The following GUCA1C variants were observed in gnomAD, a reference collection of about 807,000 sequenced individuals.
The protein encoded by GUCA1C is guanylyl cyclase-activating protein 3.
In GUCA1C, 15 loss-of-function variants were observed where a neutral mutation model predicts 16.2. The observed-to-expected ratio is 0.93, with a 90% CI of 0.62 to 1.43. GUCA1C has a LOEUF of 1.43. Among genes scored for constraint, GUCA1C ranks in the 40% most tolerant of loss-of-function variants. GUCA1C has a pLI of 0.00. For synonymous variants in GUCA1C, 78 were observed against 85.4 expected (o/e 0.91, Z 0.48); for missense variants, 275 against 244.8 (o/e 1.12, Z -0.82).
At chr3:108,908,446 G>A (rs1335399268) in intron 3 of GUCA1C, among the ~76,000 whole-genome samples, 1 of 151,628 alleles carries the variant, frequency 6.6e-6, no homozygotes, top group African/African-American at 2.4e-5. Context: ...AAAACATCAG[G>A]TAATGCCCCA....
intron 1 of GUCA1C, among the ~76,000 whole-genome samples, chr3:108,937,451 CAATAA>C (rs1946737581): frequency 6.6e-6 from 1 of 152,182 alleles, no homozygotes; most frequent in Middle Eastern, 3.4e-3. Context: ...GGTTTTGTCC[CAATAA>C]TAGAGCTATG....
chr3:108,920,000 C>A (rs1398955514), intron 2 of GUCA1C, among the ~76,000 whole-genome samples: 1 of 152,108 alleles, frequency 6.6e-6, no homozygotes, highest in African/African-American at 2.4e-5. Flanking sequence ...GATCTGAGAT[C>A]CCTGAACCAA....
chr3:108,916,950 A>G (rs1260942830), intron 2 of GUCA1C, among the ~76,000 whole-genome samples: 2 of 152,248 alleles, frequency 1.3e-5, no homozygotes, highest in Admixed American at 1.3e-4. Flanking sequence ...AACTTCTAGC[A>G]ACATATTTCA....
At chr3:108,908,568 A>G (rs572698815) in intron 3 of GUCA1C, among the ~76,000 whole-genome samples, 1 of 152,336 alleles carries the variant, frequency 6.6e-6, no homozygotes. Context: ...GAGATTTTTA[A>G]GATCAAGACA....
At chr3:108,914,435 A>G (rs1434923159) in intron 3 of GUCA1C, among the ~76,000 whole-genome samples, 1 of 152,216 alleles carries the variant, frequency 6.6e-6, no homozygotes. Flanking sequence ...AACTAATAGA[A>G]TCTTAGTGTT....
chr3:108,954,208 C>T (rs115893813), upstream of GUCA1C, among the ~76,000 whole-genome samples: 794 of 152,196 alleles, frequency 5.2e-3, 19 homozygotes, highest in African/African-American at 0.018. Flanking sequence ...CGTGTTTCCT[C>T]ATCTGTAAAA....
At chr3:108,924,966 G>A (rs1486656950) in intron 1 of GUCA1C, among the ~76,000 whole-genome samples, 2 of 151,818 alleles carry the variant, frequency 1.3e-5, no homozygotes, top group Non-Finnish European at 2.9e-5. Flanking sequence ...CTGTGGTATC[G>A]GTTGTAATAT....
At chr3:108,930,571 T>C (rs1442684473) in intron 1 of GUCA1C, among the ~76,000 whole-genome samples, 1 of 152,286 alleles carries the variant, frequency 6.6e-6, no homozygotes, top group Non-Finnish European at 1.5e-5. Context: ...GTTTTACTTT[T>C]ACAGTCAGAA....
intron 1 of GUCA1C, among the ~76,000 whole-genome samples, chr3:108,935,795 A>G (rs1370149373): frequency 1.3e-5 from 2 of 152,200 alleles, no homozygotes; most frequent in Non-Finnish European, 2.9e-5. Flanking sequence ...ATGAAACTTT[A>G]GAAGTCGAAA....
At chr3:108,921,161 T>C (rs1421409109) in intron 1 of GUCA1C, among the ~76,000 whole-genome samples, 1 of 152,132 alleles carries the variant, frequency 6.6e-6, no homozygotes, top group African/African-American at 2.4e-5. Context: ...TTCTAGAAAG[T>C]CATATGGTTA....
chr3:108,944,494 G>A (rs902954811), intron 1 of GUCA1C, among the ~76,000 whole-genome samples: 4 of 152,128 alleles, frequency 2.6e-5, no homozygotes, highest in Admixed American at 1.3e-4. Flanking sequence ...GTAAGGGGAG[G>A]GTCTTAACTG....
chr3:108,948,276 A>T (rs1946862746), intron 1 of GUCA1C, among the ~76,000 whole-genome samples: 1 of 152,158 alleles, frequency 6.6e-6, no homozygotes, highest in African/African-American at 2.4e-5. Flanking sequence ...AGTTCTCACG[A>T]GATCTGGTTG....
intron 1 of GUCA1C, among the ~76,000 whole-genome samples, chr3:108,931,861 CCTT>C (rs1198959385): frequency 4.6e-4 from 27 of 58,088 alleles, no homozygotes; most frequent in South Asian, 2.9e-3. Context: ...TTTTTTTCTT[CCTT>C]CTTTTTTTTT....
chr3:108,915,665 T>C (rs1294810020), intron 3 of GUCA1C, among the ~76,000 whole-genome samples: 2 of 152,058 alleles, frequency 1.3e-5, no homozygotes, highest in African/African-American at 4.8e-5. Flanking sequence ...TCCAGAAATG[T>C]TTAGTCCAAA....
At chr3:108,940,515 A>C (rs1946774962) in intron 1 of GUCA1C, among the ~76,000 whole-genome samples, 1 of 152,266 alleles carries the variant, frequency 6.6e-6, no homozygotes, top group South Asian at 2.1e-4. Context: ...TCAAAATACT[A>C]AGATGATTCT....
At chr3:108,937,137 G>A (rs2107305915) in intron 1 of GUCA1C, among the ~76,000 whole-genome samples, 1 of 152,264 alleles carries the variant, frequency 6.6e-6, no homozygotes, top group South Asian at 2.1e-4. Flanking sequence ...TGACCTTGTT[G>A]TTAATCTTCA....
At chr3:108,908,901 C>T (rs1362456331) in intron 3 of GUCA1C, among the ~76,000 whole-genome samples, 1 of 152,134 alleles carries the variant, frequency 6.6e-6, no homozygotes, top group Non-Finnish European at 1.5e-5. Flanking sequence ...TGATATAAAT[C>T]ATTTGGGTTG....
At chr3:108,918,219 T>A (rs372509130) in intron 2 of GUCA1C, among the ~76,000 whole-genome samples, 2 of 152,196 alleles carry the variant, frequency 1.3e-5, no homozygotes, top group African/African-American at 4.8e-5. Flanking sequence ...CCAAAATGTC[T>A]CCAGACATTG....
chr3:108,949,695 G>A (rs868200795), intron 1 of GUCA1C, among the ~76,000 whole-genome samples: 1 of 152,162 alleles, frequency 6.6e-6, no homozygotes, highest in Non-Finnish European at 1.5e-5. Flanking sequence ...AGTGCACCTA[G>A]AGCAGTGTCA....
Sources: gnomAD v4.1 joint callset for allele counts (sites outside exome capture counted in the v4.1 genomes callset) on GRCh38, gnomAD v4.1.1 for gene constraint, MANE v1.5 for transcripts, NCBI Gene and HGNC (gene_info 2026-07-23, HGNC 2026-07-21) for gene names.